KIAA1217: variants seen among roughly 807,000 people sequenced by gnomAD.
KIAA1217 encodes the protein KIAA1217.
A neutral mutation model predicts 163.9 loss-of-function variants in KIAA1217; 88 were observed. That is an observed-to-expected ratio of 0.54 (90% CI 0.45 to 0.64). The LOEUF (loss-of-function observed/expected upper bound fraction) is 0.64. KIAA1217 is among the 30% of genes least tolerant of loss of function. The pLI, the probability that KIAA1217 is intolerant of heterozygous loss-of-function variation, is 0.00. For missense variants in KIAA1217, 2,372 were observed against 2,475.0 expected (o/e 0.96, Z 0.88); for synonymous variants, 903 against 923.1 (o/e 0.98, Z 0.39).
intron 2 of KIAA1217, among the ~76,000 whole-genome samples, chr10:24,129,960 A>G (rs1052929085): frequency 2.0e-4 from 30 of 152,250 alleles, no homozygotes; most frequent in African/African-American, 6.5e-4. Context: ...CCTGTCCCGC[A>G]TAACCTTTGA....
chr10:24,404,850 A>G (rs184773271), intron 3 of KIAA1217, among the ~76,000 whole-genome samples: 27 of 152,308 alleles, frequency 1.8e-4, no homozygotes, highest in Admixed American at 1.6e-3. Flanking sequence ...ATTTATGCTC[A>G]GTGAGGAAAA....
Position 23,795,984 on chromosome 10 carries a change from G to A in KIAA1217, c.-321+100750G>A, listed in dbSNP as rs560886933. On this transcript the variant is annotated intron_variant, in intron 1 of 18. Coordinates refer to the KIAA1217 transcript ENST00000376462. ...GTTTACTTTTCAAGGCTAAGTGCCT[G>A]GAATTTCCCTTGAAAGAACTCAAAA... Among the ~76,000 whole-genome samples the A allele has an allele frequency of 1.8e-4, 28 of 152,258 alleles. 1 individual carries two copies. In the South Asian group the frequency reaches 5.2e-3, roughly 28 times the overall value.
chr10:23,983,955 T>C (rs918204627), intron 1 of KIAA1217, among the ~76,000 whole-genome samples: 2 of 152,138 alleles, frequency 1.3e-5, no homozygotes, highest in Non-Finnish European at 2.9e-5. Flanking sequence ...TAATACGTAA[T>C]AGTAAAAGAG....
chr10:23,769,901 G>C (rs1834719849), intron 1 of KIAA1217, among the ~76,000 whole-genome samples: 1 of 152,202 alleles, frequency 6.6e-6, no homozygotes, highest in Admixed American at 6.5e-5. Context: ...GCTCTATTCA[G>C]AACCCTAGAC....
chr10:23,937,946 G>T (rs1364721619), intron 1 of KIAA1217, among the ~76,000 whole-genome samples: 3 of 152,182 alleles, frequency 2.0e-5, no homozygotes, highest in Admixed American at 6.5e-5. Flanking sequence ...AAAACTGAGA[G>T]GAATTGCTGA....
intron 1 of KIAA1217, among the ~76,000 whole-genome samples, chr10:23,909,272 G>A (rs1200866062): frequency 6.6e-6 from 1 of 151,582 alleles, no homozygotes; most frequent in Admixed American, 6.6e-5. Context: ...TCAGGTAATG[G>A]GTACACCAGA....
rs756871638 is a variant in KIAA1217 at position 24,473,795 on chromosome 10, C to A, written c.1414C>A (p.Pro472Thr). The A allele has an allele frequency of 6.2e-7, 1 of 1,614,168 alleles. No individual in the cohort carries two copies. The highest frequency in any genetic ancestry group is 8.5e-7 in the Non-Finnish European group (1 of 1,180,044). The change falls in exon 6 of 21, where the codon CCT becomes ACT. Residue 472 changes from proline (P) to threonine (T), a missense_variant. This residue lies in a region of KIAA1217 where 1,431 missense variants were observed against 1,470.3 expected (regional missense o/e 0.97). Coordinates refer to ENST00000376454, the MANE Select transcript of KIAA1217 (RefSeq NM_019590.5). ...GCCTACACTGGGCTCCAAAACACCC[C>A]CTGCCTCTCCTCACAGAGTCAGTGA... is the stretch of plus-strand genomic sequence containing the variant. ...HLPTLGSKTP[P>T]ASPHRVSDLR... is the part of the protein sequence containing the mutation.
At chr10:24,063,336 C>G (rs1026790874) in intron 2 of KIAA1217, among the ~76,000 whole-genome samples, 1 of 152,126 alleles carries the variant, frequency 6.6e-6, no homozygotes, top group Non-Finnish European at 1.5e-5. Context: ...AGGAAGGGAT[C>G]CAGTTTCAGT....
chr10:23,790,717 ATG>A lies in KIAA1217; in HGVS notation c.-321+95485_-321+95486del, dbSNP rs1259773552. Among the ~76,000 whole-genome samples the A allele has an allele frequency of 2.4e-4, 35 of 146,444 alleles. 1 individual carries two copies. The highest frequency in any genetic ancestry group is 8.3e-4 in the African/African-American group (32 of 38,668). On this transcript the variant is annotated intron_variant, in intron 1 of 18. Coordinates refer to the KIAA1217 transcript ENST00000376462. ...TATATACACACACATATATATATGTATGTATGTATGTATGTATGTATGTATGT... is the reference window on the plus strand; with the variant it reads ...TATATACACACACATATATATATGTATATGTATGTATGTATGTATGTATGT...
intron 1 of KIAA1217, among the ~76,000 whole-genome samples, chr10:23,958,241 G>C (rs1373581756): frequency 6.6e-6 from 1 of 152,174 alleles, no homozygotes. Context: ...TTTGAAGAAT[G>C]GTGAGAAGTC....
chr10:24,449,264 CT>C (rs1331823241), intron 5 of KIAA1217, among the ~76,000 whole-genome samples: 1 of 151,968 alleles, frequency 6.6e-6, no homozygotes, highest in African/African-American at 2.4e-5. Context: ...TGATATGCAA[CT>C]TCCAAGTGAT....
chr10:23,948,768 C>CT (rs1420062757), intron 1 of KIAA1217, among the ~76,000 whole-genome samples: 1 of 151,762 alleles, frequency 6.6e-6, no homozygotes, highest in African/African-American at 2.4e-5. Flanking sequence ...TGCAATGGTT[C>CT]AATAAATGAA....
At chr10:24,520,004 C>A in intron 10 of KIAA1217, 119 bp from the exon 11 acceptor site, 1 of 1,137,200 alleles carries the variant, frequency 8.8e-7, no homozygotes, top group Non-Finnish European at 1.3e-6. Flanking sequence ...ACACGAAAGG[C>A]AGGGGGGAGG....
chr10:24,002,286 T>C (rs953895394), intron 1 of KIAA1217, among the ~76,000 whole-genome samples: 2 of 152,176 alleles, frequency 1.3e-5, no homozygotes, highest in Non-Finnish European at 2.9e-5. Context: ...TTCTTTCCAA[T>C]TCATTCTTAG....
At chr10:24,269,204 T>A (rs1590396750) in intron 2 of KIAA1217, among the ~76,000 whole-genome samples, 1 of 123,348 alleles carries the variant, frequency 8.1e-6, no homozygotes, top group African/African-American at 3.2e-5. Context: ...AAAGTTAAAG[T>A]ATAATTAAAA....
chr10:23,725,856 A>G (rs1397818178), intron 1 of KIAA1217, among the ~76,000 whole-genome samples: 1 of 152,248 alleles, frequency 6.6e-6, no homozygotes, highest in Non-Finnish European at 1.5e-5. Flanking sequence ...GACCAAAATT[A>G]TAAGCAGCTG....
In KIAA1217 at chr10:23,765,187, CTTTTTTTTTT is replaced by C. The variant is rs67342339; in HGVS notation, c.-321+69969_-321+69978del. On this transcript the variant is annotated intron_variant, in intron 1 of 18. Coordinates refer to the KIAA1217 transcript ENST00000376462. The stretch of plus-strand genomic sequence containing the variant: ...TCTTTTGTTTTCCCTTTTTTGTTCT[CTTTTTTTTTT>C]TTTTTTTTTTTTTTTGAGACGGAGT... Among the ~76,000 whole-genome samples, 14 of 75,366 alleles carry C rather than the reference CTTTTTTTTTT, an allele frequency of 1.9e-4. No individual in the cohort carries two copies. The South Asian group carries it at 4.7e-3, about 25-fold the overall frequency. The allele number at this position is 75,366 out of a possible 152,430, so 49.4% of individuals were successfully genotyped here.
chr10:24,142,964 T>G (rs2064150366), intron 2 of KIAA1217, among the ~76,000 whole-genome samples: 2 of 152,202 alleles, frequency 1.3e-5, no homozygotes, highest in Admixed American at 1.3e-4. Flanking sequence ...ATCCATACCA[T>G]GCTGAAATTA....
chr10:23,989,549 T>C (rs12260878), intron 1 of KIAA1217, among the ~76,000 whole-genome samples: 3 of 152,152 alleles, frequency 2.0e-5, no homozygotes, highest in African/African-American at 7.2e-5. Context: ...ACCTGTCACA[T>C]GAGAGTCTTT....
Sources: gnomAD v4.1 joint callset for allele counts (sites outside exome capture counted in the v4.1 genomes callset) on GRCh38, gnomAD v4.1.1 for gene constraint, gnomAD v4.1.1 regional missense constraint, MANE v1.5 for transcripts, NCBI Gene and HGNC (gene_info 2026-07-23, HGNC 2026-07-21) for gene names.